The following SRRT variants were observed in gnomAD, a reference collection of about 807,000 sequenced individuals.
SRRT encodes the protein serrate RNA effector molecule homolog.
In SRRT, 32 loss-of-function variants were observed where a neutral mutation model predicts 103.2. That is an observed-to-expected ratio of 0.31 (90% CI 0.23 to 0.42). SRRT has a LOEUF of 0.42. Among genes scored for constraint, SRRT ranks in the 10% least tolerant of loss-of-function variants. SRRT has a pLI of 1.00. For synonymous variants in SRRT, 525 were observed against 449.0 expected, an observed-to-expected ratio of 1.17 and a Z score of -2.14; for missense variants, 986 against 1,207.5, an observed-to-expected ratio of 0.82 and a Z score of 2.72.
rs112682714 is a variant in SRRT at position 100,883,531 on chromosome 7, C to T, written c.588-539C>T. On this transcript the variant is annotated intron_variant, in intron 5 of 19. Transcript: ENST00000611405. ...TGTCTCCCTTCGGTCTTTCCTGTCC[C>T]TTCACCGTCTTGCTTATCTTCCCAC... is the stretch of plus-strand genomic sequence containing the variant. Among the ~76,000 whole-genome samples, 137 of 152,352 alleles carry T rather than the reference C, an allele frequency of 9.0e-4. 1 individual carries two copies. Among genetic ancestry groups the T allele is most frequent in the African/African-American group, 3.2e-3 (131 of 41,574 alleles).
rs1280144957 is a variant in SRRT, at chr7:100,885,196, C to T, written c.1160-17C>T. 3.1e-6 allele frequency: 5 copies of T among 1,610,320 alleles called. No homozygotes were observed. The highest frequency in any genetic ancestry group is 4.2e-6 in the Non-Finnish European group (5 of 1,177,954). On this transcript the variant is annotated splice_polypyrimidine_tract_variant and intron_variant, in intron 9 of 19. Transcript: ENST00000611405. This position sits in a 1 kb window ranked among gnomAD's most constrained non-coding sequence, Gnocchi z 4.8. ...ATAAAAATGCACCAACTCCTTCCTA[C>T]CCCCCTTCCTGCCTAGAAGAAGCGC...
At position 100,886,447 on chromosome 7, in the gene SRRT, C is replaced by T. The variant is rs370643055; in HGVS notation, c.1647+12C>T. ...CTCCCCTGCCCACGGTCAGTGACTCCCCAAAGGACTTTGTCAGAAGCAACT... is the reference window on the plus strand; with the variant it reads ...CTCCCCTGCCCACGGTCAGTGACTCTCCAAAGGACTTTGTCAGAAGCAACT... On this transcript the variant is annotated intron_variant, in intron 13 of 19. Transcript: ENST00000611405. 21 of 1,603,560 alleles carry T rather than the reference C, an allele frequency of 1.3e-5. No individual in the cohort carries two copies. In the East Asian group the frequency reaches 1.8e-4, roughly 14 times the overall value.
In SRRT at chr7:100,884,128, G is replaced by A. The variant is rs773520881; in HGVS notation, c.646G>A (p.Ala216Thr). ...VGKRRQEARG[A>T]LQNRLRVFLS... ...GAAGCGTCGGCAGGAGGCCCGGGGG[G>A]CCCTGCAAAACCGACTGAGGGTCTT... Residue 216 changes from alanine to threonine, a missense_variant, in exon 6 of 20, where the codon GCC becomes ACC. This residue lies in a region of SRRT where 274 missense variants were observed against 358.5 expected (regional missense o/e 0.76). Transcript: ENST00000611405. The A allele has an allele frequency of 6.2e-7, 1 of 1,612,644 alleles. No individual in the cohort carries two copies.
At position 100,886,815 on chromosome 7, in the gene SRRT, G is replaced by C. The variant is rs370769694; in HGVS notation, c.1668G>C (p.Pro556=). 20 of 1,613,960 alleles carry C rather than the reference G, an allele frequency of 1.2e-5. No individual in the cohort carries two copies. The African/African-American group carries it at 2.0e-4, about 16-fold the overall frequency. ...PLPTSLPSQN[P]ILKNITDYLI... ...ATCAGAGCCTGCCCTCGCAAAACCC[G>C]ATCTTGAAGAATATCACCGACTACC... The change falls in exon 14 of 20, where the codon CCG becomes CCC. Residue 556 remains proline, a synonymous_variant. Transcript: ENST00000611405.
rs1030911468 is a variant in SRRT, at chr7:100,888,044, C to T, written c.2329C>T (p.Leu777Phe). Residue 777 changes from leucine to phenylalanine, a missense_variant and splice_region_variant, in exon 18 of 20, where the codon CTC becomes TTC. Physicochemically the swap from Leu to Phe is conservative, Grantham distance 22. Around this residue, in one of 6 missense-constraint regions of SRRT, gnomAD observed 178 missense variants for 189.6 expected, o/e 0.94. Coordinates refer to ENST00000611405, the MANE Select transcript of SRRT (RefSeq NM_015908.6). ...AATTCATGTCCCTGTCCGTGTTGTA[C>T]TCCCCCCAGGTTTGACCCCAGGACT... Reference protein sequence around the residue: ...PAQPPGPAQILPPGLTPGLPY... With the variant: ...PAQPPGPAQIFPPGLTPGLPY... 1.9e-6 allele frequency: 3 copies of T among 1,545,808 alleles called. No homozygotes were observed. The highest frequency in any genetic ancestry group is 2.6e-6 in the Non-Finnish European group (3 of 1,150,130).
At chr7:100,878,173 G>T (rs2115728332) in intron 2 of SRRT, among the ~76,000 whole-genome samples, 1 of 152,260 alleles carries the variant, frequency 6.6e-6, no homozygotes, top group South Asian at 2.1e-4. Flanking sequence ...TTAGCTGGGG[G>T]TGGTGGCACA....
At chr7:100,877,728 G>T (rs185840043) in intron 2 of SRRT, among the ~76,000 whole-genome samples, 4 of 151,968 alleles carry the variant, frequency 2.6e-5, no homozygotes, top group African/African-American at 9.6e-5. Context: ...CACCATGTTG[G>T]CCAGCTGGTC....
rs1268229999 is a variant in SRRT, at chr7:100,884,121, C to T, written c.639C>T (p.Ala213=). The part of the protein sequence containing the change: ...PDEVGKRRQE[A]RGALQNRLRV... ...AGGTGGGGAAGCGTCGGCAGGAGGC[C>T]CGGGGGGCCCTGCAAAACCGACTGA... Residue 213 remains alanine, a synonymous_variant, in exon 6 of 20, where the codon GCC becomes GCT. Coordinates refer to ENST00000611405, the MANE Select transcript of SRRT (RefSeq NM_015908.6). 2 of 1,612,048 alleles carry T rather than the reference C, an allele frequency of 1.2e-6. No homozygotes were observed. Among genetic ancestry groups the T allele is most frequent in the Non-Finnish European group, 1.7e-6 (2 of 1,179,470 alleles).
rs751547722 is a variant in SRRT at position 100,885,072 on chromosome 7, C to T, written c.1159+32C>T. Reference sequence around the variant, plus strand: ...TTTCTTTTCTGCTTTAAAGTGCGTTCTCCTAATGCGGGTGGGGAGGTGAGA... The same window carrying T: ...TTTCTTTTCTGCTTTAAAGTGCGTTTTCCTAATGCGGGTGGGGAGGTGAGA... On this transcript the variant is annotated intron_variant, in intron 9 of 19. Transcript: ENST00000611405. The surrounding 1 kb of genome is among the most constrained non-coding windows in gnomAD (Gnocchi z 4.8). 5.0e-6 allele frequency: 8 copies of T among 1,612,674 alleles called. No homozygotes were observed. Among genetic ancestry groups the T allele is most frequent in the Middle Eastern group, 1.7e-4 (1 of 6,052 alleles).
chr7:100,883,361 T>C (rs2115817620), intron 5 of SRRT, among the ~76,000 whole-genome samples: 1 of 152,320 alleles, frequency 6.6e-6, no homozygotes, highest in Non-Finnish European at 1.5e-5. Flanking sequence ...TTCCTCCCTT[T>C]CCCCTTTTCC....
chr7:100,881,445 T>A, intron 3 of SRRT, 32 bp downstream of exon 3: 1 of 1,603,410 alleles, frequency 6.2e-7, no homozygotes, highest in Non-Finnish European at 8.5e-7. Flanking sequence ...CTCCTCCCCT[T>A]TGCCTCAGTT....
At chr7:100,881,451 C>G in intron 3 of SRRT, 38 bp downstream of exon 3, 1 of 1,601,602 alleles carries the variant, frequency 6.2e-7, no homozygotes, top group Non-Finnish European at 8.5e-7. Flanking sequence ...CCCTTTGCCT[C>G]AGTTCCACCT....
chr7:100,878,889 C>G (rs1332739572), intron 2 of SRRT, among the ~76,000 whole-genome samples: 1 of 151,506 alleles, frequency 6.6e-6, no homozygotes, highest in South Asian at 2.1e-4. Flanking sequence ...TCCTTCCTTC[C>G]TTTTCTTTTC....
chr7:100,886,519 C>A, intron 13 of SRRT, 84 bp downstream of exon 13: 1 of 1,389,084 alleles, frequency 7.2e-7, no homozygotes, highest in Non-Finnish European at 9.7e-7. Flanking sequence ...TATCTGTAGC[C>A]TTGAACCCTT....
chr7:100,880,223 G>A (rs957009404), intron 2 of SRRT, among the ~76,000 whole-genome samples: 1 of 152,212 alleles, frequency 6.6e-6, no homozygotes, highest in South Asian at 2.1e-4. Context: ...ATGCTGTTCC[G>A]TTGATACAGC....
rs2115803774 is a variant in SRRT at position 100,882,442 on chromosome 7, G to A, written c.587+201G>A. 1.8e-6 allele frequency: 1 copy of A among 557,416 alleles called. No individual in the cohort carries two copies. Among genetic ancestry groups the A allele is most frequent in the East Asian group, 3.2e-5 (1 of 30,844 alleles). The allele number at this position is 557,416 out of a possible 1,614,324, so 34.5% of individuals were successfully genotyped here. A position where few individuals can be genotyped will look rare whatever the true frequency, so the allele number is the denominator to read the frequency against. On this transcript the variant is annotated intron_variant, in intron 5 of 19. Coordinates refer to ENST00000611405, the MANE Select transcript of SRRT (RefSeq NM_015908.6). This position sits in a 1 kb window ranked among gnomAD's most constrained non-coding sequence, Gnocchi z 4.2. ...CGGCCCCCGCCCCGCCCTGTCTCCT[G>A]TCCTGCTGTCCTCAGAGAGTGGGAC...
At chr7:100,884,880 GT>G (rs771524373) in intron 8 of SRRT, 42 bp downstream of exon 8, 1 of 1,613,898 alleles carries the variant, frequency 6.2e-7, no homozygotes, top group Non-Finnish European at 8.5e-7. Context: ...TGGGGCTGGG[GT>G]TCTGGCACGC....
chr7:100,875,471 C>A, intron 1 of SRRT, 102 bp from the exon 2 acceptor site: 1 of 1,561,066 alleles, frequency 6.4e-7, no homozygotes. Context: ...CCGCGGAGGG[C>A]TGGCCTTGGC....
Position 100,884,507 on chromosome 7 carries a change from G to T in SRRT, c.897G>T (p.Glu299Asp), listed in dbSNP as rs199702658. ...GRAGAGLGDGERKTNDKDEKK... is the reference protein window; with the variant it reads ...GRAGAGLGDGDRKTNDKDEKK... ...CTGGAGCAGGCCTAGGGGACGGGGA[G>T]CGCAAAACCAACGACAAGGATGAGA... is the stretch of plus-strand genomic sequence containing the variant. The change falls in exon 7 of 20, where the codon GAG becomes GAT. Residue 299 changes from glutamate to aspartate, a missense_variant. Physicochemically the swap from Glu to Asp is conservative, Grantham distance 45. Coordinates refer to ENST00000611405, the MANE Select transcript of SRRT (RefSeq NM_015908.6). 2.5e-6 allele frequency: 4 copies of T among 1,609,912 alleles called. No homozygotes were observed. In the African/African-American group the frequency reaches 5.3e-5, roughly 22 times the overall value.
Sources: gnomAD v4.1 joint callset for allele counts (sites outside exome capture counted in the v4.1 genomes callset) on GRCh38, gnomAD v4.1.1 for gene constraint, gnomAD v4.1.1 regional missense constraint, Gnocchi (gnomAD v3.1) non-coding constraint, MANE v1.5 for transcripts, NCBI Gene and HGNC (gene_info 2026-07-23, HGNC 2026-07-21) for gene names.